SNTG1: variants seen among roughly 807,000 people sequenced by gnomAD.
SNTG1 encodes gamma-1-syntrophin.
A neutral mutation model predicts 74.7 loss-of-function variants in SNTG1; 39 were observed. The observed-to-expected ratio is 0.52, with a 90% CI of 0.40 to 0.68. The LOEUF (loss-of-function observed/expected upper bound fraction) is 0.68. SNTG1 is among the 30% of genes least tolerant of loss of function. The probability of loss-of-function intolerance (pLI) is 0.00; values close to 1 mark genes in which losing one functional copy is unlikely to be tolerated. For missense variants in SNTG1, 685 were observed against 609.5 expected (o/e 1.12, Z -1.30); for synonymous variants, 254 against 217.1 (o/e 1.17, Z -1.49).
intron 1 of SNTG1, among the ~76,000 whole-genome samples, chr8:49,926,061 T>C (rs1232896234): frequency 6.6e-6 from 1 of 152,176 alleles, no homozygotes; most frequent in African/African-American, 2.4e-5. Context: ...CTGGTTTTCA[T>C]GGGTGGGTGA....
chr8:50,691,304 G>C (rs2095377990), intron 15 of SNTG1, among the ~76,000 whole-genome samples: 1 of 152,098 alleles, frequency 6.6e-6, no homozygotes. Flanking sequence ...ATGTTAGCTG[G>C]TTATTTTGCT....
intron 12 of SNTG1, among the ~76,000 whole-genome samples, chr8:50,587,097 T>A (rs1382806954): frequency 6.6e-6 from 1 of 151,762 alleles, no homozygotes; most frequent in Non-Finnish European, 1.5e-5. Context: ...AATCTAAATT[T>A]GTAAGACTGG....
At chr8:50,433,903 A>T (rs948572012) in intron 4 of SNTG1, among the ~76,000 whole-genome samples, 5 of 152,142 alleles carry the variant, frequency 3.3e-5, no homozygotes, top group Non-Finnish European at 7.3e-5. Flanking sequence ...ATTTTTTATT[A>T]TTATACGTTA....
intron 8 of SNTG1, among the ~76,000 whole-genome samples, chr8:50,500,012 T>G (rs1043008172): frequency 3.3e-5 from 5 of 152,070 alleles, no homozygotes; most frequent in Non-Finnish European, 7.4e-5. Context: ...TGCAATATTT[T>G]TATTATGATG....
chr8:50,742,220 A>C (rs1585687284), intron 17 of SNTG1, among the ~76,000 whole-genome samples: 2 of 152,014 alleles, frequency 1.3e-5, no homozygotes, highest in Admixed American at 1.3e-4. Flanking sequence ...AGTTGAATAC[A>C]CATTTTTCTG....
chr8:50,747,396 A>G (rs2095557548), intron 17 of SNTG1, among the ~76,000 whole-genome samples: 1 of 150,982 alleles, frequency 6.6e-6, no homozygotes, highest in Non-Finnish European at 1.5e-5. Flanking sequence ...TTGTCAAACT[A>G]AGGGTGCCTC....
At chr8:50,324,950 T>C (rs979991140) in intron 2 of SNTG1, among the ~76,000 whole-genome samples, 2 of 128,798 alleles carry the variant, frequency 1.6e-5, no homozygotes, top group Admixed American at 7.4e-5. Flanking sequence ...TATATATATA[T>C]ATATATATAT....
chr8:49,938,585 T>TTC (rs1808326166), intron 1 of SNTG1, among the ~76,000 whole-genome samples: 1 of 43,654 alleles, frequency 2.3e-5, no homozygotes, highest in Non-Finnish European at 4.7e-5. Flanking sequence ...TTCTTTTCTT[T>TTC]TCTTTTCTTT....
At chr8:50,403,183 A>G (rs1054559067) in intron 4 of SNTG1, among the ~76,000 whole-genome samples, 5 of 152,210 alleles carry the variant, frequency 3.3e-5, no homozygotes, top group African/African-American at 7.2e-5. Flanking sequence ...AACATCTGCA[A>G]CTATTTAGCA....
intron 1 of SNTG1, among the ~76,000 whole-genome samples, chr8:50,167,293 A>G (rs947542027): frequency 2.0e-5 from 3 of 149,502 alleles, no homozygotes; most frequent in East Asian, 3.9e-4. Flanking sequence ...AAAAAAGAAA[A>G]AAAAAAGATT....
At chr8:50,694,860 T>A (rs1364980722) in intron 15 of SNTG1, among the ~76,000 whole-genome samples, 1 of 150,964 alleles carries the variant, frequency 6.6e-6, no homozygotes, top group East Asian at 1.9e-4. Flanking sequence ...CACAAAGCAT[T>A]TGACAAAATT....
intron 17 of SNTG1, among the ~76,000 whole-genome samples, chr8:50,731,087 A>G (rs2095511850): frequency 1.3e-5 from 2 of 152,166 alleles, no homozygotes; most frequent in South Asian, 2.1e-4. Flanking sequence ...AATTCAGATT[A>G]CATTTTAGGG....
At chr8:50,322,859 G>A (rs571611526) in intron 2 of SNTG1, among the ~76,000 whole-genome samples, 1 of 151,848 alleles carries the variant, frequency 6.6e-6, no homozygotes, top group African/African-American at 2.4e-5. Context: ...ACTCATGCCT[G>A]TAATCCCAGC....
chr8:50,005,943 C>A (rs1056910252), intron 1 of SNTG1, among the ~76,000 whole-genome samples: 2 of 144,252 alleles, frequency 1.4e-5, no homozygotes, highest in Non-Finnish European at 1.5e-5. Flanking sequence ...CTTTTCATTT[C>A]CATTACTTGC....
At chr8:50,690,820 G>A (rs544362577) in intron 15 of SNTG1, among the ~76,000 whole-genome samples, 16 of 152,146 alleles carry the variant, frequency 1.1e-4, no homozygotes, top group Admixed American at 2.6e-4. Context: ...TTTCTGTCTC[G>A]TTGATCTGCC....
chr8:50,434,403 T>C (rs545189220), intron 4 of SNTG1, among the ~76,000 whole-genome samples: 2 of 152,320 alleles, frequency 1.3e-5, no homozygotes, highest in East Asian at 3.9e-4. Context: ...GGGTAGATAC[T>C]CAGTAATAGG....
intron 2 of SNTG1, among the ~76,000 whole-genome samples, chr8:50,202,916 AT>A (rs2084045154): frequency 6.6e-6 from 1 of 151,546 alleles, no homozygotes; most frequent in African/African-American, 2.4e-5. Flanking sequence ...AGTAGCATTA[AT>A]TTTGGAAAGA....
intron 1 of SNTG1, among the ~76,000 whole-genome samples, chr8:50,141,624 T>C (rs1004473118): frequency 1.3e-5 from 2 of 152,206 alleles, no homozygotes; most frequent in Non-Finnish European, 1.5e-5. Context: ...TTAGTTACTA[T>C]GTGATCATTA....
chr8:50,317,602 G>A (rs1269710139), intron 2 of SNTG1, among the ~76,000 whole-genome samples: 4 of 152,158 alleles, frequency 2.6e-5, no homozygotes, highest in Non-Finnish European at 5.9e-5. Flanking sequence ...GTTTGAATTA[G>A]AGCAATGCAA....
Sources: allele counts gnomAD v4.1 joint callset (sites outside exome capture counted in the v4.1 genomes callset), GRCh38; gene constraint gnomAD v4.1.1; transcripts MANE v1.5; gene names NCBI Gene and HGNC (gene_info 2026-07-23, HGNC 2026-07-21).